Variants in SLC24A3 observed in about 807,000 individuals in gnomAD.
SLC24A3 encodes sodium/potassium/calcium exchanger 3.
In SLC24A3, 28 loss-of-function variants were observed where a neutral mutation model predicts 75.8. The ratio of observed to expected loss-of-function variants is 0.37; its 90% CI spans 0.27 to 0.51. The LOEUF is 0.51. Ranked by LOEUF, SLC24A3 falls within the 20% of genes least tolerant of loss-of-function variation. The probability of loss-of-function intolerance (pLI) is 0.94; values close to 1 mark genes in which losing one functional copy is unlikely to be tolerated. For missense variants in SLC24A3, 663 were observed against 847.8 expected (o/e 0.78, Z 2.71); for synonymous variants, 372 against 334.1 (o/e 1.11, Z -1.24).
chr20:19,694,173 G>A (rs1464375010), intron 13 of SLC24A3: 1 of 152,150 alleles, frequency 6.6e-6, no homozygotes, highest in Non-Finnish European at 1.5e-5. Context: ...CCTTAACAAA[G>A]CCATTTTAGG....
intron 4 of SLC24A3, among the ~76,000 whole-genome samples, chr20:19,582,201 G>A (rs775638258): frequency 1.8e-4 from 27 of 152,242 alleles, no homozygotes; most frequent in Non-Finnish European, 3.4e-4. Context: ...GGATCATGAC[G>A]TGGGTCCACC....
intron 3 of SLC24A3, among the ~76,000 whole-genome samples, chr20:19,558,680 G>A (rs1243267468): frequency 6.6e-6 from 1 of 152,062 alleles, no homozygotes; most frequent in East Asian, 1.9e-4. Context: ...TTTTCAGCAG[G>A]AATACCACAG....
At chr20:19,221,578 C>T (rs1313984161) in intron 1 of SLC24A3, among the ~76,000 whole-genome samples, 1 of 152,174 alleles carries the variant, frequency 6.6e-6, no homozygotes, top group African/African-American at 2.4e-5. Context: ...CCTTCTACCT[C>T]TACACTTAGA....
chr20:19,687,408 A>G lies in SLC24A3; in HGVS notation c.1324+2047A>G, dbSNP rs563526668. Among the ~76,000 whole-genome samples the G allele has an allele frequency of 1.6e-4, 24 of 152,306 alleles. No homozygotes were observed. The South Asian group carries it at 1.9e-3, about 12-fold the overall frequency. Reference sequence around the variant, plus strand: ...TCTCTACCTAAAGGTCAACTGTGCCATACAACACAGCAGAATCACGAGGCT... The same window carrying G: ...TCTCTACCTAAAGGTCAACTGTGCCGTACAACACAGCAGAATCACGAGGCT... On this transcript the variant is annotated intron_variant, in intron 12 of 16. Transcript: ENST00000328041.
chr20:19,506,953 C>T (rs1261201812), intron 2 of SLC24A3, among the ~76,000 whole-genome samples: 1 of 152,160 alleles, frequency 6.6e-6, no homozygotes, highest in East Asian at 1.9e-4. Flanking sequence ...CCTGGAACAC[C>T]CAGCACCTCC....
intron 1 of SLC24A3, among the ~76,000 whole-genome samples, chr20:19,241,709 G>A (rs929824646): frequency 1.3e-5 from 2 of 152,252 alleles, no homozygotes; most frequent in African/African-American, 2.4e-5. Context: ...CGGTGTCTTC[G>A]GCTCGATTTC....
At position 19,346,392 on chromosome 20, in the gene SLC24A3, A is replaced by G. The variant is rs554863021; in HGVS notation, c.271+65305A>G. Among the ~76,000 whole-genome samples the G allele has an allele frequency of 3.3e-3, 472 of 142,676 alleles. 6 individuals are homozygous for G. Among genetic ancestry groups the G allele is most frequent in the African/African-American group, 9.7e-3 (373 of 38,292 alleles). The allele number at this position is 142,676 out of a possible 152,430, so 93.6% of individuals were successfully genotyped here. ...TGTGGTGTATATATATGGTATATAT[A>G]TGGTGTATATATATGGTATATATAT... is the stretch of plus-strand genomic sequence containing the variant. On this transcript the variant is annotated intron_variant, in intron 2 of 16. Coordinates refer to ENST00000328041, the MANE Select transcript of SLC24A3 (RefSeq NM_020689.4).
chr20:19,505,354 A>G (rs1377363182), intron 2 of SLC24A3, among the ~76,000 whole-genome samples: 1 of 152,250 alleles, frequency 6.6e-6, no homozygotes, highest in Non-Finnish European at 1.5e-5. Context: ...GACTATTGCC[A>G]TGATTTAGGG....
At chr20:19,257,208 C>T (rs1010808535) in intron 1 of SLC24A3, among the ~76,000 whole-genome samples, 1 of 152,142 alleles carries the variant, frequency 6.6e-6, no homozygotes, top group Non-Finnish European at 1.5e-5. Flanking sequence ...TAAGGCGAGC[C>T]CAGGAGCTGG....
chr20:19,642,876 T>G (rs371269338), intron 6 of SLC24A3, among the ~76,000 whole-genome samples: 1 of 152,334 alleles, frequency 6.6e-6, no homozygotes, highest in African/African-American at 2.4e-5. Flanking sequence ...AACCTAGATG[T>G]GTTATTGATG....
At chr20:19,349,298 T>C (rs768407107) in intron 2 of SLC24A3, among the ~76,000 whole-genome samples, 4 of 152,212 alleles carry the variant, frequency 2.6e-5, no homozygotes, top group Admixed American at 1.3e-4. Flanking sequence ...AGACTAACAT[T>C]CAGCCACACT....
chr20:19,704,869 A>G (rs537473213), intron 15 of SLC24A3, among the ~76,000 whole-genome samples: 296 of 152,308 alleles, frequency 1.9e-3, no homozygotes, highest in African/African-American at 6.7e-3. Context: ...CACAGGGCTC[A>G]GGTTTCATGC....
At chr20:19,681,284 G>A (rs1335889775) in intron 9 of SLC24A3, among the ~76,000 whole-genome samples, 3 of 152,136 alleles carry the variant, frequency 2.0e-5, no homozygotes, top group African/African-American at 4.8e-5. Context: ...ACTTAGGCAC[G>A]ATAGTCATAG....
At chr20:19,473,464 T>A (rs1404608283) in intron 2 of SLC24A3, among the ~76,000 whole-genome samples, 1 of 152,242 alleles carries the variant, frequency 6.6e-6, no homozygotes, top group Non-Finnish European at 1.5e-5. Context: ...ACAACAGCAA[T>A]GGCGGGTAAC....
rs1178272850 is a variant in SLC24A3, at chr20:19,721,489, A to C, written c.*349A>C. 4 of 212,368 alleles carry C rather than the reference A, an allele frequency of 1.9e-5. No individual in the cohort carries two copies. The highest frequency in any genetic ancestry group is 3.7e-5 in the Non-Finnish European group (4 of 107,418). 13.2% of individuals were successfully genotyped at this position (212,368 alleles called of 1,614,324 possible). A position where few individuals can be genotyped will look rare whatever the true frequency, so the allele number is the denominator to read the frequency against. ...GATTCCAATCCCTCCTCCTTTTTTA[A>C]GTTATTTGATGGAAGACTCACCTAA... On this transcript the variant is annotated 3_prime_UTR_variant, in exon 17 of 17. Coordinates refer to ENST00000328041, the MANE Select transcript of SLC24A3 (RefSeq NM_020689.4).
At chr20:19,480,178 G>A (rs1988030777) in intron 2 of SLC24A3, among the ~76,000 whole-genome samples, 1 of 152,180 alleles carries the variant, frequency 6.6e-6, no homozygotes, top group Non-Finnish European at 1.5e-5. Flanking sequence ...ATGGTGTGAT[G>A]AGGTGTCTGC....
At chr20:19,420,544 C>T (rs1483145096) in intron 2 of SLC24A3, among the ~76,000 whole-genome samples, 3 of 146,926 alleles carry the variant, frequency 2.0e-5, no homozygotes, top group Non-Finnish European at 4.5e-5. Flanking sequence ...GATGATATTC[C>T]ATGCTCATGG....
chr20:19,493,984 C>A (rs1296140794), intron 2 of SLC24A3, among the ~76,000 whole-genome samples: 6 of 152,216 alleles, frequency 3.9e-5, no homozygotes, highest in Non-Finnish European at 1.5e-5. Flanking sequence ...GCCTAGCTTG[C>A]CGCATTCCAA....
chr20:19,409,107 G>A (rs188558251), intron 2 of SLC24A3, among the ~76,000 whole-genome samples: 1 of 152,280 alleles, frequency 6.6e-6, no homozygotes, highest in East Asian at 1.9e-4. Context: ...GAGTTGATTG[G>A]TGAGGAGGGA....
Sources: allele counts gnomAD v4.1 joint callset (sites outside exome capture counted in the v4.1 genomes callset), GRCh38; gene constraint gnomAD v4.1.1; transcripts MANE v1.5; gene names NCBI Gene and HGNC (gene_info 2026-07-23, HGNC 2026-07-21).